The following C12orf42 variants were observed in gnomAD, a reference collection of about 807,000 sequenced individuals.
The protein encoded by C12orf42 is uncharacterized protein C12orf42.
C12orf42 carries 25 observed loss-of-function variants against 21.6 expected under a neutral mutation model. The ratio of observed to expected loss-of-function variants is 1.16; its 90% CI spans 0.84 to 1.62. C12orf42 has a LOEUF of 1.62. Ranked by LOEUF, C12orf42 falls within the 40% of genes most tolerant of loss-of-function variation. C12orf42 has a pLI of 0.00. For synonymous variants in C12orf42, 174 were observed against 175.0 expected (o/e 0.99, Z 0.05); for missense variants, 483 against 459.3 (o/e 1.05, Z -0.47).
chr12:103,370,812 G>A (rs2045144043), intron 3 of C12orf42, among the ~76,000 whole-genome samples: 1 of 152,010 alleles, frequency 6.6e-6, no homozygotes, highest in African/African-American at 2.4e-5. Context: ...GAAGTTGTCT[G>A]TACACCAAAC....
chr12:103,186,458 C>T, the C12orf42 span, among the ~76,000 whole-genome samples: 11 of 152,176 alleles, frequency 7.2e-5, no homozygotes, highest in Non-Finnish European at 1.5e-4. Flanking sequence ...TTTGAGCTGA[C>T]ATGCGTTCAA....
the C12orf42 span, among the ~76,000 whole-genome samples, chr12:103,047,866 C>T: frequency 6.6e-6 from 1 of 152,078 alleles, no homozygotes; most frequent in Non-Finnish European, 1.5e-5. Flanking sequence ...GGCAGGATTC[C>T]TAGAAAGAGT....
At chr12:103,167,300 G>A in the C12orf42 span, among the ~76,000 whole-genome samples, 1 of 152,170 alleles carries the variant, frequency 6.6e-6, no homozygotes, top group Non-Finnish European at 1.5e-5. Context: ...ATCTCCTCCA[G>A]AAACTCATGC....
chr12:103,344,698 C>T (rs2042460022), intron 4 of C12orf42, among the ~76,000 whole-genome samples: 2 of 152,088 alleles, frequency 1.3e-5, no homozygotes, highest in African/African-American at 4.8e-5. Context: ...AGTCTGGTGA[C>T]CTGGGAGACA....
chr12:103,549,989 G>T, the C12orf42 span, among the ~76,000 whole-genome samples: 2 of 152,112 alleles, frequency 1.3e-5, no homozygotes, highest in African/African-American at 4.8e-5. Context: ...AAATGGTAAA[G>T]TTCCCTGTCA....
the C12orf42 span, chr12:103,081,099 C>T: frequency 6.6e-6 from 1 of 152,196 alleles, no homozygotes; most frequent in Non-Finnish European, 1.5e-5. Flanking sequence ...AAGTCTTAAG[C>T]ATTTGACCAT....
At chr12:103,358,228 T>C (rs1156959221) in intron 4 of C12orf42, among the ~76,000 whole-genome samples, 1 of 152,090 alleles carries the variant, frequency 6.6e-6, no homozygotes, top group Non-Finnish European at 1.5e-5. Flanking sequence ...CAAGCTGAGA[T>C]CCAAAGGATA....
At chr12:103,395,061 A>T (rs2047399341) in intron 3 of C12orf42, among the ~76,000 whole-genome samples, 1 of 152,254 alleles carries the variant, frequency 6.6e-6, no homozygotes, top group Admixed American at 6.5e-5. Flanking sequence ...TCCTGCTGGG[A>T]GCTAAGGATA....
At chr12:103,231,954 C>G in the C12orf42 span, among the ~76,000 whole-genome samples, 1 of 152,152 alleles carries the variant, frequency 6.6e-6, no homozygotes, top group East Asian at 1.9e-4. Context: ...TCCTGTTGTT[C>G]TACATCCTTG....
chr12:103,526,678 C>G, the C12orf42 span, among the ~76,000 whole-genome samples: 1 of 152,162 alleles, frequency 6.6e-6, no homozygotes, highest in East Asian at 1.9e-4. Context: ...CCAGAAAGCT[C>G]AATCCTGACA....
chr12:103,226,559 G>A, the C12orf42 span, among the ~76,000 whole-genome samples: 2 of 151,860 alleles, frequency 1.3e-5, no homozygotes, highest in South Asian at 4.2e-4. Context: ...TGACTATGCC[G>A]TTAGCTCCAG....
chr12:103,324,217 T>C (rs2040456274), intron 4 of C12orf42, among the ~76,000 whole-genome samples: 1 of 152,196 alleles, frequency 6.6e-6, no homozygotes. Flanking sequence ...TATTATGTTG[T>C]AACATTTAGA....
chr12:103,130,082 G>A, the C12orf42 span, among the ~76,000 whole-genome samples: 1 of 151,972 alleles, frequency 6.6e-6, no homozygotes, highest in Non-Finnish European at 1.5e-5. Flanking sequence ...GTTGGCACCT[G>A]GCGTTTTATA....
At chr12:103,248,316 A>G (rs2034110946) in intron 10 of C12orf42, among the ~76,000 whole-genome samples, 1 of 152,058 alleles carries the variant, frequency 6.6e-6, no homozygotes, top group East Asian at 1.9e-4. Flanking sequence ...CAACATGATT[A>G]TGTTTTAACA....
At chr12:103,278,524 T>C (rs561709960) in intron 4 of C12orf42, among the ~76,000 whole-genome samples, 5 of 152,274 alleles carry the variant, frequency 3.3e-5, no homozygotes, top group Admixed American at 6.5e-5. Context: ...TGGGATAAAA[T>C]GGGGACACCT....
At chr12:103,320,690 TATC>T (rs2039999781) in intron 4 of C12orf42, among the ~76,000 whole-genome samples, 1 of 152,126 alleles carries the variant, frequency 6.6e-6, no homozygotes, top group Admixed American at 6.5e-5. Flanking sequence ...GGTTATTAAA[TATC>T]ATCTTTTTAA....
chr12:103,554,099 A>C, the C12orf42 span, among the ~76,000 whole-genome samples: 1 of 152,174 alleles, frequency 6.6e-6, no homozygotes, highest in South Asian at 2.1e-4. Flanking sequence ...TTGACTTTGC[A>C]GGCCATGTGA....
At chr12:103,237,194 A>G (rs1313643192), downstream of C12orf42, among the ~76,000 whole-genome samples, 1 of 152,222 alleles carries the variant, frequency 6.6e-6, no homozygotes, top group African/African-American at 2.4e-5. Flanking sequence ...GAGTTGTTTT[A>G]CAAAACTCCC....
intron 2 of C12orf42, among the ~76,000 whole-genome samples, chr12:103,469,657 C>T (rs1462037196): frequency 6.6e-6 from 1 of 152,106 alleles, no homozygotes; most frequent in Non-Finnish European, 1.5e-5. Flanking sequence ...GTCTCCCACT[C>T]TAATTAGGTT....
Sources: allele counts gnomAD v4.1 joint callset (sites outside exome capture counted in the v4.1 genomes callset), GRCh38; gene constraint gnomAD v4.1.1; transcripts MANE v1.5; gene names NCBI Gene and HGNC (gene_info 2026-07-23, HGNC 2026-07-21).